TNFRSF11A: variants seen among roughly 807,000 people sequenced by gnomAD.
TNFRSF11A encodes tumor necrosis factor receptor superfamily member 11A.
A neutral mutation model predicts 55.7 loss-of-function variants in TNFRSF11A; 32 were observed. That is an observed-to-expected ratio of 0.57 (90% CI 0.43 to 0.77). The LOEUF (loss-of-function observed/expected upper bound fraction) is 0.77, where lower values mean the gene tolerates loss of function less well. Ranked by LOEUF, TNFRSF11A falls within the 30% of genes least tolerant of loss-of-function variation. The probability of loss-of-function intolerance (pLI) is 0.00; values close to 1 mark genes in which losing one functional copy is unlikely to be tolerated. For synonymous variants in TNFRSF11A, 311 were observed against 331.0 expected (o/e 0.94, Z 0.65); for missense variants, 753 against 809.8 (o/e 0.93, Z 0.85).
intron 1 of TNFRSF11A, among the ~76,000 whole-genome samples, chr18:62,347,481 G>C (rs1017866339): frequency 5.3e-5 from 8 of 152,352 alleles, no homozygotes; most frequent in African/African-American, 1.9e-4. Context: ...TTTTGAACCA[G>C]AAGGGAACCA....
intron 9 of TNFRSF11A, among the ~76,000 whole-genome samples, chr18:62,377,039 G>A (rs533469862): frequency 2.6e-5 from 4 of 152,164 alleles, no homozygotes; most frequent in South Asian, 2.1e-4. Flanking sequence ...TCAGCCTCCC[G>A]AGTAGCTGGG....
chr18:62,385,423 A>C lies in TNFRSF11A; in HGVS notation c.*389A>C. The C allele has an allele frequency of 5.8e-6, 1 of 171,394 alleles. No individual in the cohort carries two copies. Among genetic ancestry groups the C allele is most frequent in the Non-Finnish European group, 1.2e-5 (1 of 82,442 alleles). The allele number at this position is 171,394 out of a possible 1,614,324, so 10.6% of individuals were successfully genotyped here. ...TGATATCTTTCCTCCCTCTTTTTTA[A>C]TGTAAAGGTTTTCTCAAAAATTCTC... On this transcript the variant is annotated 3_prime_UTR_variant, in exon 10 of 10. Transcript: ENST00000586569.
chr18:62,332,499 C>T (rs767093810), intron 1 of TNFRSF11A, among the ~76,000 whole-genome samples: 4 of 152,188 alleles, frequency 2.6e-5, no homozygotes, highest in Admixed American at 6.5e-5. Context: ...CTTGCTAACC[C>T]GTTTCCTTGT....
At chr18:62,357,162 A>G (rs1909318822) in intron 4 of TNFRSF11A, among the ~76,000 whole-genome samples, 2 of 152,254 alleles carry the variant, frequency 1.3e-5, no homozygotes, top group South Asian at 4.1e-4. Flanking sequence ...GACTCTGGAC[A>G]AAGAAAATTT....
chr18:62,356,361 T>G (rs1266453731), intron 4 of TNFRSF11A, among the ~76,000 whole-genome samples: 1 of 152,220 alleles, frequency 6.6e-6, no homozygotes, highest in East Asian at 1.9e-4. Flanking sequence ...CTGACTTGAT[T>G]TTTTAATGGT....
Position 62,387,447 on chromosome 18 carries a change from C to T in TNFRSF11A, c.*2413C>T, listed in dbSNP as rs1911814532. 6.6e-6 allele frequency: 1 copy of T among 152,156 alleles called. No individual in the cohort carries two copies. Among genetic ancestry groups the T allele is most frequent in the Non-Finnish European group, 1.5e-5 (1 of 68,024 alleles). 9.4% of individuals were successfully genotyped at this position (152,156 alleles called of 1,614,324 possible). A position where few individuals can be genotyped will look rare whatever the true frequency, so the allele number is the denominator to read the frequency against. ...CTTTTTATGGCTTACTAAAACCGAG[C>T]TCACTGTAAAATCATGATCCAACTT... On this transcript the variant is annotated 3_prime_UTR_variant, in exon 10 of 10. Coordinates refer to ENST00000586569, the MANE Select transcript of TNFRSF11A (RefSeq NM_003839.4).
intron 9 of TNFRSF11A, among the ~76,000 whole-genome samples, chr18:62,380,642 T>C (rs1038833156): frequency 5.3e-5 from 8 of 151,696 alleles, no homozygotes; most frequent in African/African-American, 1.9e-4. Flanking sequence ...TTCACCGTGT[T>C]AACCAGGATG....
At chr18:62,366,894 G>T in intron 8 of TNFRSF11A, 134 bp downstream of exon 8, 1 of 937,430 alleles carries the variant, frequency 1.1e-6, no homozygotes, top group Non-Finnish European at 1.7e-6. Context: ...TGTGCCTCAG[G>T]CTGGAGTGCA....
At chr18:62,328,464 C>T (rs762358600) in intron 1 of TNFRSF11A, among the ~76,000 whole-genome samples, 9 of 151,508 alleles carry the variant, frequency 5.9e-5, no homozygotes, top group Non-Finnish European at 1.0e-4. Flanking sequence ...TTGCAGATAG[C>T]ACAAATCACC....
At chr18:62,380,898 G>A (rs989409807) in intron 9 of TNFRSF11A, among the ~76,000 whole-genome samples, 1 of 151,566 alleles carries the variant, frequency 6.6e-6, no homozygotes, top group African/African-American at 2.4e-5. Context: ...GCATCTCTGG[G>A]CTCAGGTGAT....
chr18:62,339,072 C>T (rs1440734314), intron 1 of TNFRSF11A, among the ~76,000 whole-genome samples: 4 of 152,180 alleles, frequency 2.6e-5, no homozygotes, highest in East Asian at 3.9e-4. Context: ...TTGTCTAAAA[C>T]GAGTTTGCAC....
chr18:62,332,915 GC>G (rs938537972), intron 1 of TNFRSF11A, among the ~76,000 whole-genome samples: 3 of 152,176 alleles, frequency 2.0e-5, no homozygotes, highest in African/African-American at 7.2e-5. Context: ...TTCCCACGGA[GC>G]CCCACAGGAG....
chr18:62,382,661 G>A (rs1475536578), intron 9 of TNFRSF11A, among the ~76,000 whole-genome samples: 2 of 152,090 alleles, frequency 1.3e-5, no homozygotes, highest in African/African-American at 4.8e-5. Flanking sequence ...TCTGCGGGGG[G>A]AGTGGAACCA....
At chr18:62,361,005 A>C (rs1909645981) in intron 6 of TNFRSF11A, among the ~76,000 whole-genome samples, 1 of 152,206 alleles carries the variant, frequency 6.6e-6, no homozygotes, top group Non-Finnish European at 1.5e-5. Flanking sequence ...CTGGATGTGG[A>C]GTTACACAAT....
At chr18:62,337,494 C>T (rs1462302090) in intron 1 of TNFRSF11A, among the ~76,000 whole-genome samples, 1 of 152,334 alleles carries the variant, frequency 6.6e-6, no homozygotes, top group East Asian at 1.9e-4. Flanking sequence ...CCACCTCACA[C>T]TGCACTTAGT....
chr18:62,335,494 G>C (rs1488145185), intron 1 of TNFRSF11A, among the ~76,000 whole-genome samples: 1 of 152,152 alleles, frequency 6.6e-6, no homozygotes, highest in Non-Finnish European at 1.5e-5. Flanking sequence ...GTCCTCATGG[G>C]TAAGGGGACT....
rs1030160400 is a variant in TNFRSF11A, at chr18:62,325,824, C to T, written c.75+397C>T. ...TTGCGGCAGATAACCGTTCCCGATA[C>T]GATTTCTCCCGGGTGGCCTCCGTCC... On this transcript the variant is annotated intron_variant, in intron 1 of 9. Coordinates refer to ENST00000586569, the MANE Select transcript of TNFRSF11A (RefSeq NM_003839.4). This position sits in a 1 kb window ranked among gnomAD's most constrained non-coding sequence, Gnocchi z 4.7. Among the ~76,000 whole-genome samples the T allele has an allele frequency of 6.6e-6, 1 of 152,236 alleles. No individual in the cohort carries two copies. Among genetic ancestry groups the T allele is most frequent in the African/African-American group, 2.4e-5 (1 of 41,466 alleles).
At position 62,361,625 on chromosome 18, in the gene TNFRSF11A, C is replaced by T. The variant is rs17069895; in HGVS notation, c.617-55C>T. On this transcript the variant is annotated intron_variant, in intron 6 of 9. Transcript: ENST00000586569. ...TGATTTACCGGGATTTGTTTTTCAA[C>T]TGCGTAAAATTAAAGAATCTTTACT... The T allele has an allele frequency of 6.9e-3, 10,508 of 1,514,404 alleles. 637 individuals carry two copies. The East Asian group carries it at 0.16, about 23-fold the overall frequency. 93.8% of individuals were successfully genotyped at this position (1,514,404 alleles called of 1,614,324 possible).
Position 62,351,649 on chromosome 18 carries a change from G to T in TNFRSF11A, c.283+1712G>T, listed in dbSNP as rs950638812. Among the ~76,000 whole-genome samples, 8 of 152,256 alleles carry T rather than the reference G, an allele frequency of 5.3e-5. 1 individual carries two copies. Among genetic ancestry groups the T allele is most frequent in the African/African-American group, 1.9e-4 (8 of 41,534 alleles). ...AAAGTTACTGCATTTATCCTGTAGT[G>T]CAGTACATATAGAAAAGATAGAATA... On this transcript the variant is annotated intron_variant, in intron 3 of 9. Coordinates refer to ENST00000586569, the MANE Select transcript of TNFRSF11A (RefSeq NM_003839.4).
Sources: gnomAD v4.1 joint callset for allele counts (sites outside exome capture counted in the v4.1 genomes callset) on GRCh38, gnomAD v4.1.1 for gene constraint, Gnocchi (gnomAD v3.1) non-coding constraint, MANE v1.5 for transcripts, NCBI Gene and HGNC (gene_info 2026-07-23, HGNC 2026-07-21) for gene names.